The following ERC2 variants were observed in gnomAD, a reference collection of about 807,000 sequenced individuals.
ERC2 encodes the protein ELKS/RAB6-interacting/CAST family member 2.
ERC2 carries 42 observed loss-of-function variants against 114.8 expected under a neutral mutation model. The observed-to-expected ratio is 0.37, with a 90% CI of 0.29 to 0.47. ERC2 has a LOEUF of 0.47. Among genes scored for constraint, ERC2 ranks in the 20% least tolerant of loss-of-function variants. ERC2 has a pLI of 0.99. For synonymous variants in ERC2, 454 were observed against 425.5 expected, an observed-to-expected ratio of 1.07 and a Z score of -0.82; for missense variants, 939 against 1,150.7, an observed-to-expected ratio of 0.82 and a Z score of 2.66.
intron 14 of ERC2, among the ~76,000 whole-genome samples, chr3:55,844,105 T>C (rs1447134798): frequency 6.6e-6 from 1 of 152,198 alleles, no homozygotes; most frequent in East Asian, 1.9e-4. Flanking sequence ...CAAAAATGCA[T>C]AGCTGTGAGG....
chr3:55,993,354 G>C (rs1157675862), intron 10 of ERC2, among the ~76,000 whole-genome samples: 1 of 152,158 alleles, frequency 6.6e-6, no homozygotes, highest in East Asian at 1.9e-4. Flanking sequence ...GATATTTATT[G>C]TGTTTTTATA....
chr3:56,313,397 G>A (rs2056714270), intron 2 of ERC2, among the ~76,000 whole-genome samples: 1 of 151,970 alleles, frequency 6.6e-6, no homozygotes, highest in Non-Finnish European at 1.5e-5. Context: ...GGAGGCGAGA[G>A]CATTACGGAT....
intron 14 of ERC2, among the ~76,000 whole-genome samples, chr3:55,867,703 T>C (rs1436381756): frequency 2.6e-5 from 4 of 152,358 alleles, no homozygotes; most frequent in Non-Finnish European, 5.9e-5. Flanking sequence ...TCTCATAATA[T>C]GTATGCATAA....
intron 2 of ERC2, among the ~76,000 whole-genome samples, chr3:56,414,650 G>T (rs770941300): frequency 2.0e-5 from 3 of 151,752 alleles, no homozygotes; most frequent in Non-Finnish European, 4.4e-5. Flanking sequence ...GCTTGAACCT[G>T]GGTGGCGGAG....
chr3:55,684,612 T>C (rs367880712), intron 16 of ERC2, among the ~76,000 whole-genome samples: 2 of 152,240 alleles, frequency 1.3e-5, no homozygotes, highest in African/African-American at 4.8e-5. Flanking sequence ...TAAAATTGTG[T>C]TCAATTATGG....
At position 56,081,099 on chromosome 3, in the gene ERC2, G is replaced by A. The variant is rs188347923; in HGVS notation, c.1474-115C>T. 2.3e-3 allele frequency: 2,511 copies of A among 1,082,542 alleles called. 14 individuals are homozygous for A. Among genetic ancestry groups the A allele is most frequent in the Non-Finnish European group, 2.5e-3 (1,918 of 761,984 alleles). The allele number at this position is 1,082,542 out of a possible 1,614,324, so 67.1% of individuals were successfully genotyped here. A position where few individuals can be genotyped will look rare whatever the true frequency, so the allele number is the denominator to read the frequency against. Reference sequence around the variant, plus strand: ...GCATGTTTACTGAGCAAGGCACAATGGAACCACTGCTCATGGCACCTCACT... The same window carrying A: ...GCATGTTTACTGAGCAAGGCACAATAGAACCACTGCTCATGGCACCTCACT... On this transcript the variant is annotated intron_variant, in intron 6 of 17. Coordinates refer to ENST00000288221, the MANE Select transcript of ERC2 (RefSeq NM_015576.3).
intron 7 of ERC2, among the ~76,000 whole-genome samples, chr3:56,076,342 G>T (rs1170137500): frequency 1.3e-5 from 2 of 152,148 alleles, no homozygotes; most frequent in African/African-American, 4.8e-5. Context: ...TTACATAACA[G>T]TCTGAATTTG....
At chr3:56,332,176 T>A (rs959560126) in intron 2 of ERC2, among the ~76,000 whole-genome samples, 1 of 151,704 alleles carries the variant, frequency 6.6e-6, no homozygotes, top group Non-Finnish European at 1.5e-5. Context: ...ACAAGAGATT[T>A]CAAACACATA....
At chr3:55,847,971 AT>A (rs1235870703) in intron 14 of ERC2, among the ~76,000 whole-genome samples, 2 of 151,970 alleles carry the variant, frequency 1.3e-5, no homozygotes, top group East Asian at 3.9e-4. Flanking sequence ...TAATTATTTT[AT>A]TTTTTGTAGA....
intron 3 of ERC2, among the ~76,000 whole-genome samples, chr3:56,235,533 G>A (rs980645225): frequency 2.0e-5 from 3 of 152,104 alleles, no homozygotes; most frequent in Non-Finnish European, 4.4e-5. Context: ...CATTGGAACT[G>A]AGTAGCAGCT....
chr3:55,840,031 CTG>C (rs1470362085), intron 14 of ERC2, among the ~76,000 whole-genome samples: 2 of 151,838 alleles, frequency 1.3e-5, no homozygotes, highest in Non-Finnish European at 2.9e-5. Flanking sequence ...CAAAAGAAAA[CTG>C]GAGTGGCTCT....
At chr3:55,734,643 C>T in intron 15 of ERC2, 128 bp downstream of exon 15, 3 of 1,149,396 alleles carry the variant, frequency 2.6e-6, no homozygotes, top group Non-Finnish European at 3.6e-6. Context: ...GTCCATTGCA[C>T]TCCTACCTGG....
At chr3:55,719,435 C>G (rs2064317381) in intron 15 of ERC2, among the ~76,000 whole-genome samples, 1 of 152,220 alleles carries the variant, frequency 6.6e-6, no homozygotes, top group Non-Finnish European at 1.5e-5. Context: ...AGAACCCACT[C>G]TGCCTCTTGC....
rs146452415 is a variant in ERC2, at chr3:55,583,779, A to G, written c.*40-72503T>C. Among the ~76,000 whole-genome samples, 488 of 151,686 alleles carry G rather than the reference A, an allele frequency of 3.2e-3. 5 individuals carry two copies. The highest frequency in any genetic ancestry group is 0.011 in the African/African-American group (462 of 41,284). On this transcript the variant is annotated intron_variant, in intron 17 of 17. Coordinates refer to ENST00000288221, the MANE Select transcript of ERC2 (RefSeq NM_015576.3). ...CTGTAATGGGAAAATCCCTCTTCCCAAGTATCCGAGAGCTCACTGAGTTGC... is the reference window on the plus strand; with the variant it reads ...CTGTAATGGGAAAATCCCTCTTCCCGAGTATCCGAGAGCTCACTGAGTTGC...
intron 6 of ERC2, among the ~76,000 whole-genome samples, chr3:56,113,796 A>T (rs2079088207): frequency 6.6e-6 from 1 of 152,162 alleles, no homozygotes; most frequent in Non-Finnish European, 1.5e-5. Context: ...CTACACTTCC[A>T]TCTGACTTAA....
At chr3:55,971,033 A>G (rs2069117333) in intron 12 of ERC2, among the ~76,000 whole-genome samples, 1 of 152,218 alleles carries the variant, frequency 6.6e-6, no homozygotes, top group Non-Finnish European at 1.5e-5. Context: ...GATACATACT[A>G]TAACATGGAT....
chr3:55,590,952 C>A (rs1013235548), intron 17 of ERC2, among the ~76,000 whole-genome samples: 3 of 152,126 alleles, frequency 2.0e-5, no homozygotes, highest in African/African-American at 7.2e-5. Context: ...CCTCAGCTTC[C>A]TGAGTAGCTG....
At chr3:56,209,797 C>T (rs930418407) in intron 3 of ERC2, among the ~76,000 whole-genome samples, 19 of 152,072 alleles carry the variant, frequency 1.2e-4, no homozygotes, top group African/African-American at 4.6e-4. Flanking sequence ...CAGTTCCAGG[C>T]TTCAGAAAAT....
Position 56,319,398 on chromosome 3 carries a change from A to T in ERC2, c.658-22963T>A, listed in dbSNP as rs1029328867. ...AAATAAAATAAGCCAGTTACAGAAG[A>T]ACAAACATTACGTGATTCCACTGAT... On this transcript the variant is annotated intron_variant, in intron 2 of 17. Transcript: ENST00000288221. Among the ~76,000 whole-genome samples the T allele has an allele frequency of 2.0e-5, 3 of 152,232 alleles. 1 individual carries two copies. The highest frequency in any genetic ancestry group is 4.8e-5 in the African/African-American group (2 of 41,458).
Sources: allele counts gnomAD v4.1 joint callset (sites outside exome capture counted in the v4.1 genomes callset), GRCh38; gene constraint gnomAD v4.1.1; transcripts MANE v1.5; gene names NCBI Gene and HGNC (gene_info 2026-07-23, HGNC 2026-07-21).